MDGA2: variants seen among roughly 807,000 people sequenced by gnomAD.
MDGA2 encodes the protein MAM domain-containing glycosylphosphatidylinositol anchor protein 2.
A neutral mutation model predicts 117.8 loss-of-function variants in MDGA2; 40 were observed. The ratio of observed to expected loss-of-function variants is 0.34; its 90% confidence interval spans 0.26 to 0.44. MDGA2 has a LOEUF of 0.44. Among genes scored for constraint, MDGA2 ranks in the 20% least tolerant of loss-of-function variants. The pLI, the probability that MDGA2 is intolerant of heterozygous loss-of-function variation, is 1.00. For synonymous variants in MDGA2, 452 were observed against 439.0 expected (o/e 1.03, Z -0.37); for missense variants, 1,123 against 1,250.6 (o/e 0.90, Z 1.54).
chr14:47,369,948 T>C (rs982589304), intron 1 of MDGA2, among the ~76,000 whole-genome samples: 3 of 152,074 alleles, frequency 2.0e-5, no homozygotes, highest in African/African-American at 4.8e-5. Context: ...ACTTTCTTTG[T>C]GACATTTTCT....
intron 1 of MDGA2, among the ~76,000 whole-genome samples, chr14:47,323,574 G>C (rs958303181): frequency 6.6e-6 from 1 of 152,012 alleles, no homozygotes; most frequent in African/African-American, 2.4e-5. Flanking sequence ...GGAGGTTACA[G>C]TGTGCCAAGG....
chr14:47,655,357 C>T (rs1338960897), intron 1 of MDGA2, among the ~76,000 whole-genome samples: 1 of 152,140 alleles, frequency 6.6e-6, no homozygotes, highest in Admixed American at 6.6e-5. Flanking sequence ...TCCATCCTGA[C>T]CCAGGATTAT....
At chr14:47,424,000 A>T (rs907526428) in intron 1 of MDGA2, among the ~76,000 whole-genome samples, 35 of 151,934 alleles carry the variant, frequency 2.3e-4, no homozygotes, top group African/African-American at 8.2e-4. Context: ...TTTAGTGGAA[A>T]CAGGGTTTCA....
intron 1 of MDGA2, among the ~76,000 whole-genome samples, chr14:47,366,591 C>G (rs1414137591): frequency 6.6e-6 from 1 of 151,966 alleles, no homozygotes; most frequent in Non-Finnish European, 1.5e-5. Context: ...CTACTAATCA[C>G]TCAATAAAAG....
At chr14:47,483,240 T>C (rs1416285946) in intron 1 of MDGA2, among the ~76,000 whole-genome samples, 2 of 152,168 alleles carry the variant, frequency 1.3e-5, no homozygotes, top group African/African-American at 4.8e-5. Context: ...ACTGCTATTC[T>C]ACATTACTTT....
intron 1 of MDGA2, among the ~76,000 whole-genome samples, chr14:47,576,919 TG>T (rs1156914142): frequency 2.0e-5 from 3 of 152,072 alleles, no homozygotes; most frequent in Non-Finnish European, 2.9e-5. Context: ...CCCCTAATTT[TG>T]TTTATTTTTT....
intron 8 of MDGA2, among the ~76,000 whole-genome samples, chr14:47,009,214 T>C (rs1316200826): frequency 8.5e-5 from 13 of 152,160 alleles, no homozygotes; most frequent in South Asian, 2.1e-4. Flanking sequence ...TTTGCTTATA[T>C]ATAAATTTAT....
At chr14:47,538,785 G>A (rs1280888001) in intron 1 of MDGA2, among the ~76,000 whole-genome samples, 4 of 152,104 alleles carry the variant, frequency 2.6e-5, no homozygotes, top group Non-Finnish European at 5.9e-5. Context: ...GATTAGCATA[G>A]CAATTATACA....
intron 2 of MDGA2, among the ~76,000 whole-genome samples, chr14:47,284,381 G>C (rs554398785): frequency 6.6e-6 from 1 of 152,260 alleles, no homozygotes; most frequent in South Asian, 2.1e-4. Flanking sequence ...CCTGAGAATG[G>C]AAAAACAAAC....
intron 16 of MDGA2, among the ~76,000 whole-genome samples, chr14:46,844,586 A>G (rs1028027186): frequency 1.3e-5 from 2 of 152,116 alleles, no homozygotes; most frequent in Non-Finnish European, 2.9e-5. Context: ...CGTCTCAAAA[A>G]AAAAAATTGG....
chr14:47,046,479 C>T (rs1160150937), intron 7 of MDGA2, among the ~76,000 whole-genome samples: 1 of 151,212 alleles, frequency 6.6e-6, no homozygotes, highest in Non-Finnish European at 1.5e-5. Context: ...GGAGGGAAAA[C>T]ATCAGGGATA....
chr14:47,382,508 G>GA (rs1425781300), intron 1 of MDGA2, among the ~76,000 whole-genome samples: 4 of 152,058 alleles, frequency 2.6e-5, no homozygotes, highest in African/African-American at 7.2e-5. Flanking sequence ...AAATTCATAA[G>GA]AAAAAATCAA....
At position 47,119,232 on chromosome 14, in the gene MDGA2, A is replaced by AT. The variant is rs534613774; in HGVS notation, c.925+12481dup. The stretch of plus-strand genomic sequence containing the variant: ...AGGCACCCGCCACCACACCCGGGTA[A>AT]TTTTTTGTATTTTTAGTAGAGACGG... On this transcript the variant is annotated intron_variant, in intron 5 of 16. Transcript: ENST00000399232. 4.9e-3 allele frequency among the ~76,000 whole-genome samples: 647 copies of AT among 132,738 alleles called. 3 individuals are homozygous for AT. Among genetic ancestry groups the AT allele is most frequent in the Middle Eastern group, 0.025 (5 of 198 alleles). The allele number at this position is 132,738 out of a possible 152,430, so 87.1% of individuals were successfully genotyped here. A position where few individuals can be genotyped will look rare whatever the true frequency, so the allele number is the denominator to read the frequency against.
chr14:46,944,712 A>G (rs1885112692), intron 9 of MDGA2, among the ~76,000 whole-genome samples: 1 of 151,812 alleles, frequency 6.6e-6, no homozygotes, highest in South Asian at 2.1e-4. Flanking sequence ...GCCTTTTCCA[A>G]TATACTATTA....
At chr14:47,329,456 C>T (rs1890234449) in intron 1 of MDGA2, among the ~76,000 whole-genome samples, 1 of 152,080 alleles carries the variant, frequency 6.6e-6, no homozygotes, top group Non-Finnish European at 1.5e-5. Flanking sequence ...TAGCATAGAA[C>T]GATAGGTGCT....
chr14:47,618,457 C>T (rs1016098125), intron 1 of MDGA2, among the ~76,000 whole-genome samples: 1 of 152,168 alleles, frequency 6.6e-6, no homozygotes, highest in Non-Finnish European at 1.5e-5. Flanking sequence ...ATGTTTCAAT[C>T]ATCCCCTACT....
chr14:47,106,893 C>T (rs1047183829), intron 5 of MDGA2, among the ~76,000 whole-genome samples: 1 of 135,634 alleles, frequency 7.4e-6, no homozygotes, highest in African/African-American at 2.9e-5. Flanking sequence ...TTAGACAATA[C>T]TCTTTTAAGC....
At chr14:47,087,792 G>A (rs1202836119) in intron 6 of MDGA2, among the ~76,000 whole-genome samples, 4 of 86,328 alleles carry the variant, frequency 4.6e-5, no homozygotes, top group African/African-American at 1.9e-4. Flanking sequence ...TTTTACAACT[G>A]TAGGGTATCA....
intron 1 of MDGA2, among the ~76,000 whole-genome samples, chr14:47,397,510 C>G (rs1892040023): frequency 6.6e-6 from 1 of 151,544 alleles, no homozygotes; most frequent in Non-Finnish European, 1.5e-5. Context: ...AAAACCCAAA[C>G]AAACAAACCC....
Sources: gnomAD v4.1 joint callset for allele counts (sites outside exome capture counted in the v4.1 genomes callset) on GRCh38, gnomAD v4.1.1 for gene constraint, MANE v1.5 for transcripts, NCBI Gene and HGNC (gene_info 2026-07-23, HGNC 2026-07-21) for gene names.